SFPQ: variants seen among roughly 807,000 people sequenced by gnomAD.
The protein encoded by SFPQ is splicing factor, proline- and glutamine-rich.
A neutral mutation model predicts 72.9 loss-of-function variants in SFPQ; 11 were observed. The observed-to-expected ratio is 0.15, with a 90% CI of 0.09 to 0.25. SFPQ has a LOEUF of 0.25. Among genes scored for constraint, SFPQ ranks in the 10% least tolerant of loss-of-function variants. The pLI, the probability that SFPQ is intolerant of heterozygous loss-of-function variation, is 1.00. For synonymous variants in SFPQ, 506 were observed against 367.3 expected (o/e 1.38, Z -4.32); for missense variants, 847 against 993.3 (o/e 0.85, Z 1.98).
chr1:35,178,537 CA>C (rs1296515218), downstream of SFPQ: 2 of 1,061,150 alleles, frequency 1.9e-6, no homozygotes, highest in Non-Finnish European at 2.3e-6. Context: ...TGTTGTCCTG[CA>C]ATCCTTTGTA....
At chr1:35,187,789 C>G (rs1476066761) in intron 7 of SFPQ, among the ~76,000 whole-genome samples, 184 bp downstream of exon 7, 2 of 151,138 alleles carry the variant, frequency 1.3e-5, no homozygotes, top group African/African-American at 4.9e-5. Context: ...AGAAACAAAA[C>G]ACAAAAAAAC....
Position 35,183,956 on chromosome 1 carries a change from A to G in SFPQ, c.*500T>C. On this transcript the variant is annotated 3_prime_UTR_variant, in exon 10 of 10. Coordinates refer to ENST00000357214, the MANE Select transcript of SFPQ (RefSeq NM_005066.3). ...ACTTCAATATGCATTTCTTCTTTTT[A>G]AAACAAAGGGGGCAATTATTTGTAG... 6.7e-6 allele frequency: 7 copies of G among 1,051,224 alleles called. No individual in the cohort carries two copies. The highest frequency in any genetic ancestry group is 8.0e-6 in the Non-Finnish European group (7 of 870,224). 65.1% of individuals were successfully genotyped at this position (1,051,224 alleles called of 1,614,324 possible).
chr1:35,183,530 T>A lies in SFPQ; in HGVS notation c.*926A>T. On this transcript the variant is annotated 3_prime_UTR_variant, in exon 10 of 10. Transcript: ENST00000357214. ...CCGCGCCCGGCCCAGTTACTAAACC[T>A]TCTTACTTTCAAGTTTTGTTTTTTA... 9.9e-7 allele frequency: 1 copy of A among 1,014,594 alleles called. No homozygotes were observed. 62.8% of individuals were successfully genotyped at this position (1,014,594 alleles called of 1,614,324 possible).
At position 35,188,090 on chromosome 1, in the gene SFPQ, C is replaced by G; in HGVS notation, c.1698G>C (p.Arg566Ser). 6.3e-7 allele frequency: 1 copy of G among 1,595,516 alleles called. No homozygotes were observed. Among genetic ancestry groups the G allele is most frequent in the Non-Finnish European group, 8.6e-7 (1 of 1,163,214 alleles). The change falls in exon 7 of 10, where the codon AGG becomes AGC. Residue 566 changes from arginine to serine, a missense_variant and splice_region_variant. Transcript: ENST00000357214. Reference protein sequence around the residue: ...EMQKRKEMQLRQEEERRRREE... With the variant: ...EMQKRKEMQLSQEEERRRREE... ...CTCTTCTACGTCGTTCCTCCTCTTG[C>G]CTAGAAATACCCATCAGGTACATAA...
intron 1 of SFPQ, 67 bp from the exon 2 acceptor site, chr1:35,191,596 A>AT: frequency 1.6e-6 from 2 of 1,283,352 alleles, no homozygotes; most frequent in Non-Finnish European, 2.2e-6. Context: ...CCAAGATAGT[A>AT]TTTGCTTATC....
In SFPQ at chr1:35,191,960, T is replaced by G. The variant is rs146263863; in HGVS notation, c.828+262A>C. ...CGCCAGTCCCAGGGACAGGATACCT[T>G]CTGCAGGGCCGACCACCGCGGCCCC... On this transcript the variant is annotated intron_variant, in intron 1 of 9. Coordinates refer to ENST00000357214, the MANE Select transcript of SFPQ (RefSeq NM_005066.3). Among the ~76,000 whole-genome samples the G allele has an allele frequency of 2.0e-5, 3 of 152,114 alleles. 1 individual carries two copies. Among genetic ancestry groups the G allele is most frequent in the Non-Finnish European group, 4.4e-5 (3 of 67,974 alleles).
Position 35,192,712 on chromosome 1 carries a change from T to C in SFPQ, c.338A>G (p.Gln113Arg). Residue 113 changes from glutamine to arginine, a missense_variant, in exon 1 of 10, where the codon CAG becomes CGG. This residue lies in a region of SFPQ where 498 missense variants were observed against 405.1 expected (regional missense o/e 1.23). Transcript: ENST00000357214. ...TACTCCGGGAGCGGGGCCGGGTCCC[T>C]GAGCAACGACGGGCTTGGAAGAGTC... ...PQDSSKPVVA[Q>R]GPGPAPGVGS... 6.8e-7 allele frequency: 1 copy of C among 1,468,584 alleles called. No homozygotes were observed. Among genetic ancestry groups the C allele is most frequent in the Non-Finnish European group, 9.0e-7 (1 of 1,117,176 alleles). The allele number at this position is 1,468,584 out of a possible 1,614,324, so 91.0% of individuals were successfully genotyped here. A position where few individuals can be genotyped will look rare whatever the true frequency, so the allele number is the denominator to read the frequency against.
chr1:35,179,325 T>C (rs1275933012), downstream of SFPQ: 5 of 1,058,680 alleles, frequency 4.7e-6, no homozygotes, highest in African/African-American at 1.6e-5. Flanking sequence ...GAGACTATTA[T>C]GCATTCTTGG....
chr1:35,188,527 A>T (rs577217180), intron 6 of SFPQ, among the ~76,000 whole-genome samples: 34 of 152,308 alleles, frequency 2.2e-4, no homozygotes, highest in Non-Finnish European at 4.0e-4. Context: ...AAAAAAAATT[A>T]AAAAATTAGC....
At chr1:35,181,240 G>A, downstream of SFPQ, 1 of 1,065,564 alleles carries the variant, frequency 9.4e-7, no homozygotes, top group Non-Finnish European at 1.1e-6. Context: ...GTTACGCACT[G>A]CAGAAATGCT....
At chr1:35,181,381 C>T (rs1284226321), downstream of SFPQ, 1 of 1,064,368 alleles carries the variant, frequency 9.4e-7, no homozygotes, top group African/African-American at 1.6e-5. Context: ...TTTAATCTGC[C>T]ATAATATGCC....
At chr1:35,182,598 G>A, downstream of SFPQ, 4 of 985,364 alleles carry the variant, frequency 4.1e-6, no homozygotes, top group Non-Finnish European at 4.8e-6. Flanking sequence ...TTGTACACAG[G>A]CACAATACTA....
At chr1:35,187,337 T>TA (rs1222334654) in intron 7 of SFPQ, 86 bp from the exon 8 acceptor site, 19 of 1,224,510 alleles carry the variant, frequency 1.6e-5, no homozygotes, top group Non-Finnish European at 2.3e-5. Flanking sequence ...AAGAGTTAAA[T>TA]AAAAAACATG....
At chr1:35,181,974 G>T, downstream of SFPQ, 2 of 985,272 alleles carry the variant, frequency 2.0e-6, no homozygotes, top group Non-Finnish European at 2.4e-6. Context: ...ACAGTCCACA[G>T]TAAGGGTATC....
intron 9 of SFPQ, among the ~76,000 whole-genome samples, chr1:35,185,516 G>C (rs910161000): frequency 1.4e-4 from 22 of 152,178 alleles, no homozygotes; most frequent in Admixed American, 1.4e-3. Flanking sequence ...GGAGATAGAA[G>C]TTTTCAATAG....
rs1449906850 is a variant in SFPQ at position 35,192,777 on chromosome 1, T to TGGATGCGGCGGCGGC, written c.258_272dup (p.Pro87_Pro91dup). On this transcript the variant is annotated inframe_insertion, in exon 1 of 10. Coordinates refer to ENST00000357214, the MANE Select transcript of SFPQ (RefSeq NM_005066.3). ...GCGGCTGCTGCTGCTGATGCGGCTG[T>TGGATGCGGCGGCGGC]GGATGCGGCGGCGGCTGATGCGGTG... is the stretch of plus-strand genomic sequence containing the variant. The TGGATGCGGCGGCGGC allele has an allele frequency of 6.7e-7, 1 of 1,502,538 alleles. No homozygotes were observed. 93.1% of individuals were successfully genotyped at this position (1,502,538 alleles called of 1,614,324 possible).
chr1:35,193,075 C>T lies in SFPQ; in HGVS notation c.-26G>A, dbSNP rs756285357. On this transcript the variant is annotated 5_prime_UTR_variant, in exon 1 of 10. Transcript: ENST00000357214. ...GTCTGTGGTCAAGGGGCGGTCGAGG[C>T]AAAAGCGAAGAAGACGCTCAGGAAA... is the stretch of plus-strand genomic sequence containing the variant. The T allele has an allele frequency of 6.6e-7, 1 of 1,524,756 alleles. No individual in the cohort carries two copies. The highest frequency in any genetic ancestry group is 1.2e-5 in the South Asian group (1 of 83,610). 94.5% of individuals were successfully genotyped at this position (1,524,756 alleles called of 1,614,324 possible).
At position 35,190,557 on chromosome 1, in the gene SFPQ, T is replaced by C. The variant is rs2148624103; in HGVS notation, c.1356A>G (p.Gln452=). 1.9e-6 allele frequency: 3 copies of C among 1,614,042 alleles called. No homozygotes were observed. Among genetic ancestry groups the C allele is most frequent in the Non-Finnish European group, 1.7e-6 (2 of 1,179,946 alleles). ...PRPVIVEPLE[Q]LDDEDGLPEK... is the part of the protein sequence containing the mutation. The stretch of plus-strand genomic sequence containing the variant: ...CAGGAAGACCATCTTCATCATCTAG[T>C]TGTTCAAGTGGTTCCACAATGACTG... The change falls in exon 4 of 10, where the codon CAA becomes CAG. Residue 452 remains glutamine (Q), a synonymous_variant. Transcript: ENST00000357214.
At chr1:35,191,016 T>A in intron 2 of SFPQ, 21 bp from the exon 3 acceptor site, 2 of 1,598,904 alleles carry the variant, frequency 1.3e-6, no homozygotes, top group Non-Finnish European at 1.7e-6. Flanking sequence ...GAGACACTCA[T>A]GTTAATGACC....
Sources: allele counts gnomAD v4.1 joint callset (sites outside exome capture counted in the v4.1 genomes callset), GRCh38; gene constraint gnomAD v4.1.1; regional missense constraint gnomAD v4.1.1; transcripts MANE v1.5; gene names NCBI Gene and HGNC (gene_info 2026-07-23, HGNC 2026-07-21).